The following MPP7 variants were observed in gnomAD, a reference collection of about 807,000 sequenced individuals.
MPP7 encodes the protein MAGUK p55 subfamily member 7.
In MPP7, 60 loss-of-function variants were observed where a neutral mutation model predicts 76.5. The ratio of observed to expected loss-of-function variants is 0.78; its 90% CI spans 0.64 to 0.97. The LOEUF (loss-of-function observed/expected upper bound fraction) is 0.97, where lower values mean the gene tolerates loss of function less well. Ranked by LOEUF, MPP7 falls within the 50% of genes least tolerant of loss-of-function variation. The pLI is 0.00. For synonymous variants in MPP7, 237 were observed against 244.5 expected (o/e 0.97, Z 0.29); for missense variants, 641 against 694.0 (o/e 0.92, Z 0.86).
At chr10:28,243,920 C>T (rs1183779873) in intron 1 of MPP7, among the ~76,000 whole-genome samples, 2 of 151,970 alleles carry the variant, frequency 1.3e-5, no homozygotes, top group Non-Finnish European at 2.9e-5. Context: ...TTAATTAAAC[C>T]AATATAACCC....
At chr10:28,079,953 C>G (rs1852681201) in intron 12 of MPP7, among the ~76,000 whole-genome samples, 1 of 151,448 alleles carries the variant, frequency 6.6e-6, no homozygotes, top group African/African-American at 2.4e-5. Context: ...GAAACTCCAT[C>G]TCTACTAAAA....
At chr10:28,256,618 C>T (rs975642298) in intron 1 of MPP7, among the ~76,000 whole-genome samples, 8 of 98,048 alleles carry the variant, frequency 8.2e-5, no homozygotes, top group Admixed American at 7.0e-4. Context: ...AAATTGGACT[C>T]GTTTTTAGGC....
At chr10:28,221,513 G>C (rs1838505574) in intron 2 of MPP7, among the ~76,000 whole-genome samples, 1 of 152,186 alleles carries the variant, frequency 6.6e-6, no homozygotes, top group African/African-American at 2.4e-5. Context: ...ACCAAGAGCA[G>C]TAACTGCTGG....
intron 3 of MPP7, among the ~76,000 whole-genome samples, chr10:28,163,913 C>CAAAAA (rs35147298): frequency 7.5e-6 from 1 of 132,480 alleles, no homozygotes; most frequent in Non-Finnish European, 1.6e-5. Context: ...AGCTCCATCT[C>CAAAAA]AAAAAAAAAA....
In MPP7 at chr10:28,263,234, G is replaced by T. The variant is rs564742432; in HGVS notation, c.-131-24499C>A. Among the ~76,000 whole-genome samples the T allele has an allele frequency of 3.9e-5, 6 of 152,056 alleles. No homozygotes were observed. The South Asian group carries it at 1.2e-3, about 31-fold the overall frequency. ...ATTCAAATTGCTTTCATCTAAATAC[G>T]CTGAGTGAAAGGGCCACTACCATCT... On this transcript the variant is annotated intron_variant, in intron 1 of 16. Transcript: ENST00000683449.
intron 12 of MPP7, among the ~76,000 whole-genome samples, chr10:28,075,120 G>A (rs1852427003): frequency 1.4e-4 from 21 of 151,984 alleles, no homozygotes; most frequent in Admixed American, 1.4e-3. Flanking sequence ...AGAGGGGAGT[G>A]CCACACACAT....
In MPP7 at chr10:28,285,321, A is replaced by T. The variant is rs566768899; in HGVS notation, c.-132+17540T>A. 3.9e-5 allele frequency among the ~76,000 whole-genome samples: 6 copies of T among 152,278 alleles called. No homozygotes were observed. In the South Asian group the frequency reaches 1.2e-3, roughly 32 times the overall value. On this transcript the variant is annotated intron_variant, in intron 1 of 16. Coordinates refer to ENST00000683449, the MANE Select transcript of MPP7 (RefSeq NM_001318170.2). ...TGCCTCAGCCTCCCCAGTAACTGGG[A>T]TTACAGGCAACACGCCACCACACCC...
intron 2 of MPP7, among the ~76,000 whole-genome samples, chr10:28,324,114 A>G (rs1834390316): frequency 6.6e-6 from 1 of 152,128 alleles, no homozygotes; most frequent in South Asian, 2.1e-4. Context: ...TTAACCCCCA[A>G]GTTGATGATA....
intron 1 of MPP7, among the ~76,000 whole-genome samples, chr10:28,241,693 C>A (rs140028525): frequency 6.6e-6 from 1 of 152,146 alleles, no homozygotes; most frequent in East Asian, 1.9e-4. Flanking sequence ...AAGTTCAATC[C>A]ATCTTTCCAT....
intron 11 of MPP7, among the ~76,000 whole-genome samples, chr10:28,092,312 T>C (rs924258813): frequency 5.3e-5 from 8 of 152,150 alleles, no homozygotes; most frequent in African/African-American, 1.4e-4. Flanking sequence ...AAAGCTCCTT[T>C]ACAAAGGTAA....
intron 13 of MPP7, among the ~76,000 whole-genome samples, chr10:28,066,849 T>G (rs528777912): frequency 3.5e-4 from 54 of 152,354 alleles, no homozygotes; most frequent in Non-Finnish European, 3.5e-4. Context: ...AGTTGAAGAT[T>G]GTTCATTCTC....
chr10:28,101,337 T>C (rs541180305), intron 11 of MPP7, among the ~76,000 whole-genome samples: 3 of 152,294 alleles, frequency 2.0e-5, no homozygotes, highest in East Asian at 3.9e-4. Context: ...TGATTGAATA[T>C]TGAATAAATG....
chr10:28,107,735 C>A (rs12220659), intron 11 of MPP7, among the ~76,000 whole-genome samples: 1 of 152,144 alleles, frequency 6.6e-6, no homozygotes, highest in East Asian at 1.9e-4. Context: ...CTGAGCACCC[C>A]CAAACCAACC....
At chr10:28,229,587 T>C (rs568879714) in intron 2 of MPP7, among the ~76,000 whole-genome samples, 66 of 152,236 alleles carry the variant, frequency 4.3e-4, no homozygotes, top group African/African-American at 1.6e-3. Context: ...TGAATACTGA[T>C]AGTATAAAAC....
At chr10:28,155,424 T>C (rs1182078180) in intron 3 of MPP7, among the ~76,000 whole-genome samples, 1 of 151,756 alleles carries the variant, frequency 6.6e-6, no homozygotes, top group Non-Finnish European at 1.5e-5. Flanking sequence ...ACCCCAACTC[T>C]ACAAAAAATA....
intron 2 of MPP7, among the ~76,000 whole-genome samples, chr10:28,217,803 G>A (rs952406717): frequency 6.6e-6 from 1 of 152,170 alleles, no homozygotes; most frequent in Non-Finnish European, 1.5e-5. Context: ...TACCAGGGTT[G>A]TCATGTTTGT....
chr10:28,128,779 C>T (rs752518126), intron 6 of MPP7, among the ~76,000 whole-genome samples: 1 of 152,046 alleles, frequency 6.6e-6, no homozygotes, highest in African/African-American at 2.4e-5. Flanking sequence ...AACAAATAGA[C>T]AGATGGATAT....
Position 28,054,048 on chromosome 10 carries a change from A to G in MPP7, c.*17T>C. The G allele has an allele frequency of 6.3e-7, 1 of 1,595,164 alleles. No homozygotes were observed. Among genetic ancestry groups the G allele is most frequent in the Non-Finnish European group, 8.6e-7 (1 of 1,166,650 alleles). Reference sequence around the variant, plus strand: ...ATGCACTCTATAGAAAAAGACAATTATGGAAATTTCTCTTAGTTATGAATG... The same window carrying G: ...ATGCACTCTATAGAAAAAGACAATTGTGGAAATTTCTCTTAGTTATGAATG... On this transcript the variant is annotated 3_prime_UTR_variant, in exon 17 of 17. Transcript: ENST00000683449.
chr10:28,257,743 A>G (rs1839830786), intron 1 of MPP7, among the ~76,000 whole-genome samples: 1 of 42,312 alleles, frequency 2.4e-5, no homozygotes, highest in Non-Finnish European at 7.2e-5. Context: ...CTTAAAGTAT[A>G]ATAAAAAAAA....
Sources: gnomAD v4.1 joint callset for allele counts (sites outside exome capture counted in the v4.1 genomes callset) on GRCh38, gnomAD v4.1.1 for gene constraint, MANE v1.5 for transcripts, NCBI Gene and HGNC (gene_info 2026-07-23, HGNC 2026-07-21) for gene names.